The following CEP120 variants were observed in gnomAD, a reference collection of about 807,000 sequenced individuals.
The protein encoded by CEP120 is centrosomal protein 120.
CEP120 carries 113 observed loss-of-function variants against 126.5 expected under a neutral mutation model. That is an observed-to-expected ratio of 0.89 (90% confidence interval 0.77 to 1.04). The LOEUF is 1.04. Ranked by LOEUF, CEP120 falls within the 50% of genes least tolerant of loss-of-function variation. CEP120 has a pLI of 0.00. For synonymous variants in CEP120, 400 were observed against 394.3 expected (o/e 1.01, Z -0.17); for missense variants, 1,230 against 1,155.7 (o/e 1.06, Z -0.93).
chr5:123,402,497 G>GC (rs1032920683), intron 4 of CEP120, among the ~76,000 whole-genome samples: 4 of 151,884 alleles, frequency 2.6e-5, no homozygotes, highest in African/African-American at 9.7e-5. Flanking sequence ...TGCAACCTCT[G>GC]CCCCCCCGGA....
At chr5:123,383,505 C>T (rs1272843773) in intron 11 of CEP120, among the ~76,000 whole-genome samples, 12 of 151,988 alleles carry the variant, frequency 7.9e-5, no homozygotes, top group Non-Finnish European at 1.8e-4. Context: ...CACATCATAA[C>T]ATTAATTTAA....
chr5:123,411,397 T>C (rs1279132331), intron 4 of CEP120, among the ~76,000 whole-genome samples: 1 of 152,212 alleles, frequency 6.6e-6, no homozygotes, highest in Non-Finnish European at 1.5e-5. Context: ...TACAGCAGTT[T>C]ACAGTACCTT....
Position 123,385,031 on chromosome 5 carries a change from T to A in CEP120, c.1683A>T (p.Lys561Asn), listed in dbSNP as rs1447527912. 1 of 1,613,648 alleles carries A rather than the reference T, an allele frequency of 6.2e-7. No homozygotes were observed. The highest frequency in any genetic ancestry group is 8.5e-7 in the Non-Finnish European group (1 of 1,179,792). Residue 561 changes from lysine to asparagine, a missense_variant, in exon 11 of 20, where the codon AAA becomes AAT. Transcript: ENST00000306467. ...CACCATTAGAACCTAAAAAACGAGT[T>A]TTTTCTGAAGACAAGATGTTAGAAA... Reference protein sequence around the residue: ...IQLSNILSSEKTRFLGSNGEQ... With the variant: ...IQLSNILSSENTRFLGSNGEQ...
intron 14 of CEP120, among the ~76,000 whole-genome samples, chr5:123,378,846 G>A (rs1399297065): frequency 6.6e-6 from 1 of 151,914 alleles, no homozygotes; most frequent in East Asian, 1.9e-4. Flanking sequence ...TGGGTGTCTT[G>A]GTGTATATAA....
At chr5:123,352,623 GTTC>G (rs1264858034) in intron 18 of CEP120, among the ~76,000 whole-genome samples, 1 of 151,922 alleles carries the variant, frequency 6.6e-6, no homozygotes, top group African/African-American at 2.4e-5. Flanking sequence ...ATATACGACA[GTTC>G]TTCTACATTT....
At chr5:123,418,274 G>T in intron 2 of CEP120, 85 bp downstream of exon 2, 2 of 1,253,860 alleles carry the variant, frequency 1.6e-6, no homozygotes, top group Non-Finnish European at 2.2e-6. Flanking sequence ...CTGGTCCCAA[G>T]TATTAAATAC....
At chr5:123,379,842 C>T (rs970897484) in intron 14 of CEP120, among the ~76,000 whole-genome samples, 6 of 152,114 alleles carry the variant, frequency 3.9e-5, no homozygotes, top group Admixed American at 2.6e-4. Context: ...GTCCGGAATA[C>T]CCTTTGAGTC....
intron 17 of CEP120, among the ~76,000 whole-genome samples, chr5:123,368,967 T>C (rs1470363006): frequency 2.0e-5 from 3 of 151,968 alleles, no homozygotes; most frequent in Non-Finnish European, 4.4e-5. Context: ...TAGGTTTTTT[T>C]TTCCCATTTC....
chr5:123,383,165 A>C, intron 11 of CEP120, 83 bp from the exon 12 acceptor site: 1 of 806,596 alleles, frequency 1.2e-6, no homozygotes, highest in Non-Finnish European at 1.9e-6. Flanking sequence ...TGCTTTAGCA[A>C]TGGGAAGTAA....
intron 1 of CEP120, 60 bp from the exon 2 acceptor site, chr5:123,418,575 A>G: frequency 7.2e-7 from 1 of 1,383,756 alleles, no homozygotes; most frequent in Non-Finnish European, 9.7e-7. Flanking sequence ...AGGATCATTT[A>G]CCATGTGTTT....
In CEP120 at chr5:123,399,876, A is replaced by G. The variant is rs531166922; in HGVS notation, c.464-592T>C. ...AGAAAATCATGAAACTAGTTTTGAG[A>G]AGAAAACTGACATAATCAAATAGGC... is the stretch of plus-strand genomic sequence containing the variant. On this transcript the variant is annotated intron_variant, in intron 4 of 19. Transcript: ENST00000306467. 2.0e-5 allele frequency among the ~76,000 whole-genome samples: 3 copies of G among 152,298 alleles called. No individual in the cohort carries two copies. In the South Asian group the frequency reaches 6.2e-4, roughly 32 times the overall value.
chr5:123,364,891 AGAGT>A (rs1770346259), intron 17 of CEP120, among the ~76,000 whole-genome samples: 1 of 151,664 alleles, frequency 6.6e-6, no homozygotes, highest in South Asian at 2.1e-4. Flanking sequence ...TAAAGATCAT[AGAGT>A]GAGAAATACA....
At chr5:123,347,857 T>A (rs1418195098) in intron 19 of CEP120, among the ~76,000 whole-genome samples, 2 of 152,132 alleles carry the variant, frequency 1.3e-5, no homozygotes, top group Non-Finnish European at 2.9e-5. Flanking sequence ...TTCATTATGT[T>A]TTCCAGGCTG....
chr5:123,408,592 GC>G (rs1242501415), intron 4 of CEP120, among the ~76,000 whole-genome samples: 2 of 152,030 alleles, frequency 1.3e-5, no homozygotes, highest in African/African-American at 4.8e-5. Context: ...ATCTGAATAG[GC>G]CTATTATCTA....
At chr5:123,378,451 A>C (rs1181553702) in intron 14 of CEP120, 23 bp from the exon 15 acceptor site, 16 of 1,410,994 alleles carry the variant, frequency 1.1e-5, no homozygotes, top group Middle Eastern at 1.8e-4. Flanking sequence ...AAAAAAAAAA[A>C]AAAAAAAGTT....
Position 123,399,576 on chromosome 5 carries a change from A to G in CEP120, c.464-292T>C, listed in dbSNP as rs928613469. Reference sequence around the variant, plus strand: ...GTTTTACAGTGAATCTAAACTGGAAAGTGAATAAGCTAGATATGGCTAAGA... The same window carrying G: ...GTTTTACAGTGAATCTAAACTGGAAGGTGAATAAGCTAGATATGGCTAAGA... On this transcript the variant is annotated intron_variant, in intron 4 of 19. Transcript: ENST00000306467. Among the ~76,000 whole-genome samples, 7 of 152,234 alleles carry G rather than the reference A, an allele frequency of 4.6e-5. 1 individual carries two copies. The highest frequency in any genetic ancestry group is 3.2e-3 in the Middle Eastern group (1 of 316).
rs779349116 is a variant in CEP120, at chr5:123,384,932, A to G, written c.1763+19T>C. On this transcript the variant is annotated intron_variant, in intron 11 of 19. Transcript: ENST00000306467. ...GAATTGAAAAGAAAAGCAAATACCAATTCTGTGAAATGCATTACCCTTGTG... is the reference window on the plus strand; with the variant it reads ...GAATTGAAAAGAAAAGCAAATACCAGTTCTGTGAAATGCATTACCCTTGTG... The G allele has an allele frequency of 2.5e-6, 4 of 1,569,098 alleles. No individual in the cohort carries two copies. The highest frequency in any genetic ancestry group is 2.8e-5 in the African/African-American group (2 of 72,458).
At chr5:123,402,223 C>A in intron 4 of CEP120, 1 of 1,532,300 alleles carries the variant, frequency 6.5e-7, no homozygotes, top group Non-Finnish European at 9.0e-7. Flanking sequence ...CTGCTGCCCA[C>A]TTGGGAGAAG....
chr5:123,372,691 T>G lies in CEP120; in HGVS notation c.2440A>C (p.Ile814Leu). 1 of 1,612,118 alleles carries G rather than the reference T, an allele frequency of 6.2e-7. No individual in the cohort carries two copies. The highest frequency in any genetic ancestry group is 8.5e-7 in the Non-Finnish European group (1 of 1,179,048). The change falls in exon 17 of 20, where the codon ATC becomes CTC. Residue 814 changes from isoleucine to leucine, a missense_variant. Physicochemically the swap from Ile to Leu is conservative, Grantham distance 5. Transcript: ENST00000306467. ...AGATTTATTTCAGACTGTAGACGGA[T>G]TTCTGGTTTGTTGTTTTGCTGGTCC... ...FKDQQNNKPEIRLQSEINLLT... is the reference protein window; with the variant it reads ...FKDQQNNKPELRLQSEINLLT...
Sources: allele counts gnomAD v4.1 joint callset (sites outside exome capture counted in the v4.1 genomes callset), GRCh38; gene constraint gnomAD v4.1.1; transcripts MANE v1.5; gene names NCBI Gene and HGNC (gene_info 2026-07-23, HGNC 2026-07-21).